HBS1L: variants seen among roughly 807,000 people sequenced by gnomAD.
HBS1L encodes HBS1-like protein.
Under a neutral mutation model 88.9 loss-of-function variants are expected in HBS1L, and 55 were observed. The observed-to-expected ratio is 0.62, with a 90% CI of 0.50 to 0.77. HBS1L has a LOEUF of 0.77. HBS1L is among the 30% of genes least tolerant of loss of function. The pLI, the probability that HBS1L is intolerant of heterozygous loss-of-function variation, is 0.00. For synonymous variants in HBS1L, 267 were observed against 288.5 expected, an observed-to-expected ratio of 0.93 and a Z score of 0.76; for missense variants, 741 against 829.3, an observed-to-expected ratio of 0.89 and a Z score of 1.31.
At chr6:135,032,422 AG>A (rs1386344221) in intron 4 of HBS1L, among the ~76,000 whole-genome samples, 2 of 152,170 alleles carry the variant, frequency 1.3e-5, no homozygotes, top group Non-Finnish European at 2.9e-5. Context: ...ATAAATATAT[AG>A]GTAAAGGAAA....
At chr6:135,045,241 A>G (rs1251497303) in intron 2 of HBS1L, among the ~76,000 whole-genome samples, 1 of 152,208 alleles carries the variant, frequency 6.6e-6, no homozygotes, top group African/African-American at 2.4e-5. Context: ...AGTGAGAGAA[A>G]GTAATGATGA....
intron 4 of HBS1L, chr6:135,036,181 C>A: frequency 2.3e-6 from 2 of 873,626 alleles, no homozygotes; most frequent in Non-Finnish European, 2.7e-6. Context: ...CTATAATAAT[C>A]CCAAGTGCTG....
At chr6:134,992,893 C>CA (rs1277911823) in intron 8 of HBS1L, among the ~76,000 whole-genome samples, 1 of 152,172 alleles carries the variant, frequency 6.6e-6, no homozygotes, top group Non-Finnish European at 1.5e-5. Flanking sequence ...CTCACTGAAT[C>CA]ACCCAGAGCA....
intron 4 of HBS1L, chr6:135,038,054 A>G (rs750743627): frequency 1.8e-4 from 255 of 1,452,124 alleles, no homozygotes; most frequent in Non-Finnish European, 2.2e-4. Flanking sequence ...ATTAATTTTC[A>G]GATGAATAGG....
chr6:134,996,142 C>T (rs1331037884), intron 7 of HBS1L, among the ~76,000 whole-genome samples: 1 of 152,078 alleles, frequency 6.6e-6, no homozygotes, highest in Non-Finnish European at 1.5e-5. Context: ...TGTCCTTTGG[C>T]TCTCCTACCC....
chr6:135,042,249 A>T, intron 2 of HBS1L, 123 bp from the exon 3 acceptor site: 2 of 797,478 alleles, frequency 2.5e-6, no homozygotes, highest in Non-Finnish European at 3.7e-6. Flanking sequence ...ATATTTCATA[A>T]GGGATGAAAA....
intron 4 of HBS1L, among the ~76,000 whole-genome samples, chr6:135,034,823 A>G (rs559105979): frequency 2.0e-5 from 3 of 152,326 alleles, no homozygotes; most frequent in African/African-American, 4.8e-5. Context: ...CTTGGCATTG[A>G]TAACTCATTC....
At chr6:135,002,033 T>A (rs1215733382) in intron 5 of HBS1L, among the ~76,000 whole-genome samples, 1 of 151,818 alleles carries the variant, frequency 6.6e-6, no homozygotes, top group African/African-American at 2.4e-5. Context: ...GCGTTTATCA[T>A]TTTGGCAGAC....
At chr6:135,001,173 T>C (rs1398013916) in intron 5 of HBS1L, among the ~76,000 whole-genome samples, 1 of 152,192 alleles carries the variant, frequency 6.6e-6, no homozygotes, top group Non-Finnish European at 1.5e-5. Context: ...GCAATAAATA[T>C]TTAATAACTA....
chr6:134,983,243 G>A (rs536231682), intron 12 of HBS1L: 1 of 152,136 alleles, frequency 6.6e-6, no homozygotes, highest in African/African-American at 2.4e-5. Context: ...AATAATAAAG[G>A]GGTCTCATAA....
In HBS1L at chr6:135,028,612, A is replaced by G. The variant is rs146539826; in HGVS notation, c.430+10961T>C. Among the ~76,000 whole-genome samples the G allele has an allele frequency of 1.2e-3, 186 of 152,320 alleles. 1 individual carries two copies. Among genetic ancestry groups the G allele is most frequent in the Middle Eastern group, 6.8e-3 (2 of 294 alleles). ...CCAAAGAGCATACACATACACACGAATGCAAGTAATTTTATGAATAGATGA... is the reference window on the plus strand; with the variant it reads ...CCAAAGAGCATACACATACACACGAGTGCAAGTAATTTTATGAATAGATGA... On this transcript the variant is annotated intron_variant, in intron 4 of 17. Transcript: ENST00000367837.
intron 8 of HBS1L, among the ~76,000 whole-genome samples, chr6:134,990,433 C>A (rs1423878698): frequency 6.6e-6 from 1 of 152,156 alleles, no homozygotes; most frequent in Non-Finnish European, 1.5e-5. Flanking sequence ...CCTTGTGTCC[C>A]CAAAGCCCAC....
chr6:135,037,186 G>A (rs1776580598), intron 4 of HBS1L: 3 of 1,551,616 alleles, frequency 1.9e-6, no homozygotes, highest in Non-Finnish European at 1.7e-6. Flanking sequence ...TCCGGGTGAA[G>A]ACTGACAGCG....
chr6:135,011,444 C>T (rs1006883682), intron 4 of HBS1L, among the ~76,000 whole-genome samples: 9 of 152,144 alleles, frequency 5.9e-5, no homozygotes, highest in Non-Finnish European at 1.2e-4. Flanking sequence ...CAATTGAGCC[C>T]TGGAGTTTGA....
intron 4 of HBS1L, among the ~76,000 whole-genome samples, chr6:135,003,876 G>C (rs1775535101): frequency 6.6e-6 from 1 of 151,762 alleles, no homozygotes; most frequent in Admixed American, 6.6e-5. Flanking sequence ...AAAAATAAAT[G>C]AATAAATAAA....
chr6:135,039,208 A>C (rs769417431), intron 4 of HBS1L, among the ~76,000 whole-genome samples: 1 of 152,128 alleles, frequency 6.6e-6, no homozygotes, highest in Admixed American at 6.5e-5. Flanking sequence ...AATCCCAGTT[A>C]CTTGGGAGGC....
At chr6:134,996,695 T>G in intron 7 of HBS1L, 82 bp downstream of exon 7, 1 of 986,072 alleles carries the variant, frequency 1.0e-6, no homozygotes, top group Non-Finnish European at 1.4e-6. Context: ...TTTCATATGT[T>G]TTACAAATTC....
At chr6:135,029,158 A>AT (rs1008514115) in intron 4 of HBS1L, among the ~76,000 whole-genome samples, 13 of 152,034 alleles carry the variant, frequency 8.6e-5, no homozygotes, top group African/African-American at 3.1e-4. Context: ...AAAAAATAAT[A>AT]TTTTTTCAAA....
chr6:135,025,101 T>C (rs1017051923), intron 4 of HBS1L, among the ~76,000 whole-genome samples: 3 of 152,122 alleles, frequency 2.0e-5, no homozygotes, highest in Admixed American at 6.5e-5. Context: ...ATACATCCAG[T>C]TTAAGAGCCA....
Sources: gnomAD v4.1 joint callset for allele counts (sites outside exome capture counted in the v4.1 genomes callset) on GRCh38, gnomAD v4.1.1 for gene constraint, MANE v1.5 for transcripts, NCBI Gene and HGNC (gene_info 2026-07-23, HGNC 2026-07-21) for gene names.